ACADSB: variants seen among roughly 807,000 people sequenced by gnomAD.
The protein encoded by ACADSB is acyl-CoA dehydrogenase short/branched chain, also known as short/branched chain specific acyl-CoA dehydrogenase, mitochondrial.
In ACADSB, 40 loss-of-function variants were observed where a neutral mutation model predicts 54.1. That is an observed-to-expected ratio of 0.74 (90% CI 0.57 to 0.96). The LOEUF is 0.96. ACADSB is among the 40% of genes least tolerant of loss of function. The probability of loss-of-function intolerance (pLI) is 0.00; values close to 1 mark genes in which losing one functional copy is unlikely to be tolerated. For missense variants in ACADSB, 530 were observed against 510.4 expected (o/e 1.04, Z -0.37); for synonymous variants, 182 against 182.8 (o/e 1.00, Z 0.03).
intron 1 of ACADSB, among the ~76,000 whole-genome samples, chr10:123,010,437 T>G (rs1192849917): frequency 6.6e-6 from 1 of 152,246 alleles, no homozygotes; most frequent in Non-Finnish European, 1.5e-5. Context: ...TATAGTCCTT[T>G]ATAGTTTTTG....
intron 7 of ACADSB, among the ~76,000 whole-genome samples, chr10:123,045,316 C>A (rs1257786074): frequency 7.3e-6 from 1 of 137,362 alleles, no homozygotes; most frequent in Non-Finnish European, 1.6e-5. Flanking sequence ...GTAGCTGGGA[C>A]TACAGGCGCC....
chr10:123,040,606 A>C lies in ACADSB; in HGVS notation c.444A>C (p.Thr148=). 6.2e-7 allele frequency: 1 copy of C among 1,614,116 alleles called. No individual in the cohort carries two copies. The highest frequency in any genetic ancestry group is 2.2e-5 in the East Asian group (1 of 44,872). Reference sequence around the variant, plus strand: ...AGATCCAGAACACATTAATTAACACACTGATTAGAAAACATGGAACAGAAG... The same window carrying C: ...AGATCCAGAACACATTAATTAACACCCTGATTAGAAAACATGGAACAGAAG... ...FCEIQNTLIN[T]LIRKHGTEEQ... is the part of the protein sequence containing the mutation. Residue 148 remains threonine, a synonymous_variant, in exon 4 of 11, where the codon ACA becomes ACC. Coordinates refer to ENST00000358776, the MANE Select transcript of ACADSB (RefSeq NM_001609.4).
intron 8 of ACADSB, among the ~76,000 whole-genome samples, chr10:123,048,962 C>T (rs965327818): frequency 1.3e-5 from 2 of 152,124 alleles, no homozygotes; most frequent in South Asian, 2.1e-4. Context: ...GTGATCTGCC[C>T]GCTTCGGCCT....
rs777906899 is a variant in ACADSB, at chr10:123,053,151, G to T, written c.1219G>T (p.Ala407Ser). ...CCCTGTGGAGAAATACTTCCGAGAT[G>T]CAAAGATTGGTAAATAGATTTTTTT... is the stretch of plus-strand genomic sequence containing the variant. The part of the protein sequence containing the change: ...DYPVEKYFRD[A>S]KIGTIYEGAS... The change falls in exon 10 of 11, where the codon GCA becomes TCA. Residue 407 changes from alanine (A) to serine (S), a missense_variant. Ala to Ser is a moderately conservative substitution (Grantham distance 99). Transcript: ENST00000358776. 5.0e-6 allele frequency: 8 copies of T among 1,600,286 alleles called. No individual in the cohort carries two copies. In the East Asian group the frequency reaches 1.8e-4, roughly 36 times the overall value.
At position 123,040,252 on chromosome 10, in the gene ACADSB, G is replaced by GAGGCAGGAGAATTGCTTGA. The variant is rs1480266144; in HGVS notation, c.304-212_304-194dup. 3.3e-5 allele frequency among the ~76,000 whole-genome samples: 5 copies of GAGGCAGGAGAATTGCTTGA among 151,906 alleles called. No homozygotes were observed. The East Asian group carries it at 9.6e-4, about 29-fold the overall frequency. Reference sequence around the variant, plus strand: ...TGTAATCCCAGTGACTTGGGAGGCTGAGGCAGGAGAATTGCTTGAACCCAG... The same window carrying GAGGCAGGAGAATTGCTTGA: ...TGTAATCCCAGTGACTTGGGAGGCTGAGGCAGGAGAATTGCTTGAAGGCAGGAGAATTGCTTGAACCCAG... On this transcript the variant is annotated intron_variant, in intron 3 of 10. Coordinates refer to ENST00000358776, the MANE Select transcript of ACADSB (RefSeq NM_001609.4).
At chr10:123,028,449 G>A (rs1241493670) in intron 1 of ACADSB, among the ~76,000 whole-genome samples, 1 of 152,176 alleles carries the variant, frequency 6.6e-6, no homozygotes, top group Admixed American at 6.5e-5. Flanking sequence ...AGGATCACTT[G>A]AGGCCCAGAG....
At chr10:123,019,757 CAT>C (rs1220428150) in intron 1 of ACADSB, among the ~76,000 whole-genome samples, 1 of 152,200 alleles carries the variant, frequency 6.6e-6, no homozygotes, top group Non-Finnish European at 1.5e-5. Context: ...AGTTCTATCA[CAT>C]ATGTTTGTGT....
At chr10:123,045,143 ATATATATATATATATATATATATATATAT>A (rs1289496978) in intron 7 of ACADSB, among the ~76,000 whole-genome samples, 2,571 of 15,332 alleles carry the variant, frequency 0.17, 164 homozygotes, top group Non-Finnish European at 0.23. Flanking sequence ...ATATATATAT[ATATATATATATATATATATATATATATAT>A]TTTTTTTTTT....
intron 3 of ACADSB, among the ~76,000 whole-genome samples, 171 bp downstream of exon 3, chr10:123,038,018 T>G (rs563243502): frequency 6.6e-6 from 1 of 152,346 alleles, no homozygotes; most frequent in South Asian, 2.1e-4. Context: ...GAATTAACAT[T>G]TTTTAATTTG....
At chr10:123,034,583 A>G (rs969736153) in intron 2 of ACADSB, 68 bp downstream of exon 2, 6 of 1,535,784 alleles carry the variant, frequency 3.9e-6, no homozygotes, top group South Asian at 1.1e-5. Flanking sequence ...TGGTGCAATC[A>G]TGGCTCACTG....
intron 6 of ACADSB, 36 bp from the exon 7 acceptor site, chr10:123,044,357 T>C: frequency 6.6e-7 from 1 of 1,504,954 alleles, no homozygotes; most frequent in Non-Finnish European, 9.3e-7. Flanking sequence ...TCATGGAAAA[T>C]GAAACTGAGA....
chr10:123,015,047 G>C (rs1327139683), intron 1 of ACADSB, among the ~76,000 whole-genome samples: 1 of 152,256 alleles, frequency 6.6e-6, no homozygotes, highest in African/African-American at 2.4e-5. Context: ...AAGAATCACA[G>C]AGTGAAGCAA....
chr10:123,030,681 T>C (rs1419137825), intron 1 of ACADSB, among the ~76,000 whole-genome samples: 1 of 152,222 alleles, frequency 6.6e-6, no homozygotes, highest in Non-Finnish European at 1.5e-5. Flanking sequence ...TGTGAAAGCT[T>C]CTAGGTTTAA....
At chr10:123,042,718 G>A (rs1346262104) in intron 5 of ACADSB, among the ~76,000 whole-genome samples, 1 of 151,954 alleles carries the variant, frequency 6.6e-6, no homozygotes, top group Non-Finnish European at 1.5e-5. Flanking sequence ...AAAGTGCTGG[G>A]ATTACAGGCA....
At chr10:123,031,424 G>A (rs1850324957) in intron 1 of ACADSB, among the ~76,000 whole-genome samples, 1 of 152,164 alleles carries the variant, frequency 6.6e-6, no homozygotes, top group Non-Finnish European at 1.5e-5. Flanking sequence ...CATTCAAGTA[G>A]CAATTGCTGT....
chr10:123,045,430 T>C (rs1850549474), intron 7 of ACADSB, among the ~76,000 whole-genome samples: 1 of 151,858 alleles, frequency 6.6e-6, no homozygotes, highest in East Asian at 1.9e-4. Context: ...TCCACCCGCC[T>C]CGGCCTCCCA....
intron 7 of ACADSB, among the ~76,000 whole-genome samples, chr10:123,045,298 C>T (rs1247991345): frequency 6.8e-6 from 1 of 146,588 alleles, no homozygotes; most frequent in Non-Finnish European, 1.5e-5. Context: ...CCTGCCTCAG[C>T]CTCCCGAGTA....
At chr10:123,019,790 T>C (rs1484075143) in intron 1 of ACADSB, among the ~76,000 whole-genome samples, 1 of 152,236 alleles carries the variant, frequency 6.6e-6, no homozygotes. Context: ...ATAGTCAAGC[T>C]ACAAGACAGT....
intron 7 of ACADSB, among the ~76,000 whole-genome samples, chr10:123,045,708 A>G (rs1027015858): frequency 1.3e-5 from 2 of 152,186 alleles, no homozygotes; most frequent in African/African-American, 4.8e-5. Context: ...AGTTCTCTTA[A>G]AAGTTTTTCT....
Sources: allele counts gnomAD v4.1 joint callset (sites outside exome capture counted in the v4.1 genomes callset), GRCh38; gene constraint gnomAD v4.1.1; transcripts MANE v1.5; gene names NCBI Gene and HGNC (gene_info 2026-07-23, HGNC 2026-07-21).